PDS5A: variants seen among roughly 807,000 people sequenced by gnomAD.
PDS5A encodes the protein sister chromatid cohesion protein PDS5 homolog A.
Under a neutral mutation model 167.1 loss-of-function variants are expected in PDS5A, and 42 were observed. That is an observed-to-expected ratio of 0.25 (90% CI 0.20 to 0.33). The LOEUF (loss-of-function observed/expected upper bound fraction) is 0.33, where lower values mean the gene tolerates loss of function less well. PDS5A is among the 10% of genes least tolerant of loss of function. The probability of loss-of-function intolerance (pLI) is 1.00; values close to 1 mark genes in which losing one functional copy is unlikely to be tolerated. For synonymous variants in PDS5A, 553 were observed against 554.6 expected (o/e 1.00, Z 0.04); for missense variants, 1,033 against 1,605.9 (o/e 0.64, Z 6.10).
intron 3 of PDS5A, among the ~76,000 whole-genome samples, chr4:39,927,611 A>G (rs1725585065): frequency 6.6e-6 from 1 of 152,216 alleles, no homozygotes; most frequent in Non-Finnish European, 1.5e-5. Flanking sequence ...AGTCATATGA[A>G]TATGTAAATT....
chr4:39,833,327 T>G (rs1716097125), intron 32 of PDS5A, among the ~76,000 whole-genome samples: 1 of 151,812 alleles, frequency 6.6e-6, no homozygotes, highest in Non-Finnish European at 1.5e-5. Context: ...GCGAAATCAC[T>G]GATGCTTTAG....
chr4:39,964,833 C>T (rs1351220196), intron 2 of PDS5A, among the ~76,000 whole-genome samples: 4 of 152,030 alleles, frequency 2.6e-5, no homozygotes, highest in Non-Finnish European at 5.9e-5. Context: ...ATCCCAGCTA[C>T]TTGGGAGGCT....
intron 2 of PDS5A, among the ~76,000 whole-genome samples, chr4:39,954,777 TG>T (rs1035499199): frequency 2.7e-4 from 41 of 150,762 alleles, no homozygotes; most frequent in African/African-American, 9.5e-4. Context: ...GAGAGCCTCA[TG>T]CCTGTTAATA....
chr4:39,872,924 G>A (rs1720173587), intron 21 of PDS5A, 62 bp downstream of exon 21: 6 of 839,596 alleles, frequency 7.1e-6, no homozygotes, highest in South Asian at 6.9e-5. Flanking sequence ...AAGTGTTTCT[G>A]TGATGAAGAT....
At chr4:39,856,176 G>GT (rs757427186) in intron 26 of PDS5A, among the ~76,000 whole-genome samples, 15 of 152,152 alleles carry the variant, frequency 9.9e-5, no homozygotes, top group Non-Finnish European at 1.9e-4. Context: ...CCAAGAGGCA[G>GT]TGGGATGACA....
chr4:39,852,443 C>A (rs1718197776), intron 26 of PDS5A, among the ~76,000 whole-genome samples: 3 of 152,010 alleles, frequency 2.0e-5, no homozygotes, highest in Non-Finnish European at 4.4e-5. Context: ...GAGCTAATTC[C>A]TCTCCATCTC....
At position 39,926,997 on chromosome 4, in the gene PDS5A, G is replaced by C. The variant is rs1328612458; in HGVS notation, c.343-136C>G. 3 of 687,410 alleles carry C rather than the reference G, an allele frequency of 4.4e-6. No homozygotes were observed. The African/African-American group carries it at 5.6e-5, about 13-fold the overall frequency. 42.6% of individuals were successfully genotyped at this position (687,410 alleles called of 1,614,324 possible). A position where few individuals can be genotyped will look rare whatever the true frequency, so the allele number is the denominator to read the frequency against. On this transcript the variant is annotated intron_variant, in intron 3 of 32. Transcript: ENST00000303538. ...CCTTTAGATGAATGTCTTGGGATTG[G>C]CCTAATCCATTATTCAAAATGATTC...
chr4:39,823,573 TAA>T lies in PDS5A; in HGVS notation c.*1910_*1911del, dbSNP rs1439864444. The T allele has an allele frequency of 6.6e-6, 1 of 152,658 alleles. No homozygotes were observed. Among genetic ancestry groups the T allele is most frequent in the Admixed American group, 6.5e-5 (1 of 15,276 alleles). 9.5% of individuals were successfully genotyped at this position (152,658 alleles called of 1,614,324 possible). On this transcript the variant is annotated 3_prime_UTR_variant, in exon 33 of 33. Coordinates refer to ENST00000303538, the MANE Select transcript of PDS5A (RefSeq NM_001100399.2). ...CCTTAGGAATCAAGTTGTCTGATGC[TAA>T]GAGAACTTTAAACTCTCTCTAAATA...
At chr4:39,892,196 T>C (rs9306978) in intron 16 of PDS5A, among the ~76,000 whole-genome samples, 2,387 of 152,320 alleles carry the variant, frequency 0.016, 70 homozygotes, top group African/African-American at 0.054. Flanking sequence ...TCCCAGCACT[T>C]TGGGAGGCCG....
At chr4:39,941,048 C>T (rs1305017478) in intron 2 of PDS5A, among the ~76,000 whole-genome samples, 1 of 152,178 alleles carries the variant, frequency 6.6e-6, no homozygotes, top group Admixed American at 6.5e-5. Flanking sequence ...TTCAGGATTG[C>T]CAATCTAATA....
intron 8 of PDS5A, among the ~76,000 whole-genome samples, chr4:39,914,788 G>A (rs1724205240): frequency 6.6e-6 from 1 of 152,082 alleles, no homozygotes; most frequent in Admixed American, 6.5e-5. Context: ...GTATCTAAAA[G>A]CAACTGCTAA....
At chr4:39,848,209 C>T (rs1027340105) in intron 28 of PDS5A, 2 of 153,042 alleles carry the variant, frequency 1.3e-5, no homozygotes, top group Non-Finnish European at 2.9e-5. Flanking sequence ...CATATATATA[C>T]ATTTATAGGA....
chr4:39,968,684 G>A (rs1730218996), intron 2 of PDS5A, among the ~76,000 whole-genome samples: 1 of 151,790 alleles, frequency 6.6e-6, no homozygotes, highest in Admixed American at 6.6e-5. Context: ...CACCCACCTC[G>A]GCCTTCCAAA....
chr4:39,973,085 C>A (rs1247371081), intron 2 of PDS5A: 8 of 705,272 alleles, frequency 1.1e-5, no homozygotes, highest in Non-Finnish European at 2.0e-5. Context: ...AGATATTTTT[C>A]TTTGGTGAAG....
intron 13 of PDS5A, among the ~76,000 whole-genome samples, chr4:39,901,662 T>C (rs756044858): frequency 3.3e-5 from 5 of 152,160 alleles, no homozygotes; most frequent in Non-Finnish European, 7.3e-5. Flanking sequence ...CTCTCTCTTT[T>C]TTAAGACAGA....
At chr4:39,925,966 C>T in intron 4 of PDS5A, 33 bp from the exon 5 acceptor site, 1 of 698,786 alleles carries the variant, frequency 1.4e-6, no homozygotes, top group Non-Finnish European at 2.2e-6. Flanking sequence ...TTGAATTATA[C>T]ATATATACAG....
intron 2 of PDS5A, among the ~76,000 whole-genome samples, chr4:39,969,889 T>C (rs1336899952): frequency 6.6e-6 from 1 of 151,260 alleles, no homozygotes; most frequent in Non-Finnish European, 1.5e-5. Context: ...ACAGAGAAGC[T>C]AAAGAGACAA....
chr4:39,897,353 A>G (rs1722503769), intron 16 of PDS5A, among the ~76,000 whole-genome samples: 1 of 152,108 alleles, frequency 6.6e-6, no homozygotes, highest in Non-Finnish European at 1.5e-5. Context: ...TGAGATAATC[A>G]CTTGAAGGAG....
intron 2 of PDS5A, chr4:39,974,191 C>A: frequency 1.7e-6 from 1 of 575,470 alleles, no homozygotes; most frequent in East Asian, 4.7e-5. Flanking sequence ...CAAGTCCTCG[C>A]TGGACTGCTC....
Sources: allele counts gnomAD v4.1 joint callset (sites outside exome capture counted in the v4.1 genomes callset), GRCh38; gene constraint gnomAD v4.1.1; transcripts MANE v1.5; gene names NCBI Gene and HGNC (gene_info 2026-07-23, HGNC 2026-07-21).